The following ATP13A5 variants were observed in gnomAD, a reference collection of about 807,000 sequenced individuals.
The protein encoded by ATP13A5 is probable cation-transporting ATPase 13A5.
ATP13A5 carries 149 observed loss-of-function variants against 150.2 expected under a neutral mutation model. That is an observed-to-expected ratio of 0.99 (90% CI 0.87 to 1.14). ATP13A5 has a LOEUF of 1.14. Among genes scored for constraint, ATP13A5 ranks in the 50% most tolerant of loss-of-function variants. The pLI is 0.00. For missense variants in ATP13A5, 1,383 were observed against 1,449.3 expected, an observed-to-expected ratio of 0.95 and a Z score of 0.74; for synonymous variants, 497 against 522.2, an observed-to-expected ratio of 0.95 and a Z score of 0.66.
In ATP13A5 at chr3:193,362,945, C is replaced by T. The variant is rs1023859111; in HGVS notation, c.384+291G>A. ...GAGTAGCTGGGACTACAGGCAAGCA[C>T]CACCACACTCAGCTCATTTTTTGTT... is the stretch of plus-strand genomic sequence containing the variant. On this transcript the variant is annotated intron_variant, in intron 3 of 29. Coordinates refer to ENST00000342358, the MANE Select transcript of ATP13A5 (RefSeq NM_198505.4). Among the ~76,000 whole-genome samples, 16 of 152,224 alleles carry T rather than the reference C, an allele frequency of 1.1e-4. No homozygotes were observed. In the Middle Eastern group the frequency reaches 0.014, roughly 129 times the overall value.
At chr3:193,338,089 T>TGA in intron 9 of ATP13A5, among the ~76,000 whole-genome samples, 1 of 152,344 alleles carries the variant, frequency 6.6e-6, no homozygotes, top group East Asian at 1.9e-4. Context: ...TTTTGTATCC[T>TGA]GAGACTTTGC....
intron 11 of ATP13A5, among the ~76,000 whole-genome samples, chr3:193,332,131 G>A (rs1443387442): frequency 6.6e-6 from 1 of 152,144 alleles, no homozygotes; most frequent in Non-Finnish European, 1.5e-5. Flanking sequence ...TCGAATCATG[G>A]GGGCAGTTTC....
rs1447412091 is a variant in ATP13A5, at chr3:193,325,001, G to A, written c.1537C>T (p.His513Tyr). 6.2e-7 allele frequency: 1 copy of A among 1,609,876 alleles called. No homozygotes were observed. The highest frequency in any genetic ancestry group is 8.5e-7 in the Non-Finnish European group (1 of 1,178,506). The change falls in exon 14 of 30, where the codon CAC becomes TAC. Residue 513 changes from histidine (H) to tyrosine (Y), a missense_variant. Physicochemically the swap from His to Tyr is moderately conservative, Grantham distance 83. Coordinates refer to ENST00000342358, the MANE Select transcript of ATP13A5 (RefSeq NM_198505.4). ...ACAGCCTGGCCTGAGGCAAAGCTGT[G>A]GGCTTCCTGGAAGCTGGTAGAGAAG... ...PTADNCFQEA[H>Y]SFASGQAVPW...
chr3:193,292,420 G>T (rs1718000841), intron 25 of ATP13A5, among the ~76,000 whole-genome samples: 1 of 152,104 alleles, frequency 6.6e-6, no homozygotes, highest in African/African-American at 2.4e-5. Context: ...AGTAACTGTG[G>T]TAGACTGAAT....
chr3:193,319,136 G>A (rs1268769059), intron 16 of ATP13A5, 28 bp from the exon 17 acceptor site: 6 of 1,549,788 alleles, frequency 3.9e-6, no homozygotes, highest in South Asian at 3.4e-5. Context: ...ACAGGTAAGT[G>A]TAAGGTCATG....
intron 27 of ATP13A5, among the ~76,000 whole-genome samples, chr3:193,284,033 T>TTA (rs1432457345): frequency 2.1e-5 from 3 of 145,330 alleles, no homozygotes; most frequent in Admixed American, 7.0e-5. Flanking sequence ...ATTATTATTA[T>TTA]TTTTTGAGAC....
At chr3:193,309,535 C>T (rs999976366) in intron 21 of ATP13A5, among the ~76,000 whole-genome samples, 4 of 152,152 alleles carry the variant, frequency 2.6e-5, no homozygotes, top group Non-Finnish European at 5.9e-5. Context: ...CTCCCCTGGA[C>T]GTGGGCTGGA....
intron 9 of ATP13A5, 141 bp from the exon 10 acceptor site, chr3:193,335,240 G>A (rs929411983): frequency 2.4e-5 from 17 of 699,838 alleles, no homozygotes; most frequent in Non-Finnish European, 3.8e-5. Context: ...ACTGTTCATA[G>A]AGATGCTGGT....
intron 9 of ATP13A5, among the ~76,000 whole-genome samples, chr3:193,336,536 T>C (rs922227405): frequency 1.1e-4 from 17 of 152,336 alleles, no homozygotes; most frequent in African/African-American, 4.1e-4. Context: ...GGTTTCCAGC[T>C]TCATCCATGT....
intron 25 of ATP13A5, among the ~76,000 whole-genome samples, chr3:193,298,553 A>G (rs1278280832): frequency 6.6e-6 from 1 of 152,092 alleles, no homozygotes; most frequent in Non-Finnish European, 1.5e-5. Flanking sequence ...TGACAATGCC[A>G]TTCTTTTTCC....
intron 1 of ATP13A5, among the ~76,000 whole-genome samples, chr3:193,377,303 C>T (rs989340486): frequency 7.9e-5 from 12 of 152,104 alleles, no homozygotes; most frequent in Non-Finnish European, 1.0e-4. Context: ...TCAAGCTTAG[C>T]GTGCTACAAT....
At chr3:193,335,294 T>C (rs988416620) in intron 9 of ATP13A5, among the ~76,000 whole-genome samples, 195 bp from the exon 10 acceptor site, 2 of 152,184 alleles carry the variant, frequency 1.3e-5, no homozygotes, top group African/African-American at 4.8e-5. Flanking sequence ...AATATTTAGA[T>C]TAGATCTGCC....
chr3:193,347,524 C>CTTTTCTTT (rs72383894), intron 7 of ATP13A5, among the ~76,000 whole-genome samples: 12,510 of 145,376 alleles, frequency 0.086, 989 homozygotes, highest in African/African-American at 0.19. Context: ...CCTTAGATTT[C>CTTTTCTTT]TTTTTTTTTT....
At chr3:193,319,223 T>C (rs773674795) in intron 16 of ATP13A5, 115 bp from the exon 17 acceptor site, 11 of 728,750 alleles carry the variant, frequency 1.5e-5, no homozygotes, top group Non-Finnish European at 2.3e-5. Flanking sequence ...AAAAGCACTT[T>C]AATAGAAAAC....
At chr3:193,325,200 A>T (rs1411265680) in intron 13 of ATP13A5, among the ~76,000 whole-genome samples, 186 bp from the exon 14 acceptor site, 1 of 152,144 alleles carries the variant, frequency 6.6e-6, no homozygotes, top group African/African-American at 2.4e-5. Context: ...TCCACTTCGG[A>T]TCTACCTTAC....
intron 6 of ATP13A5, among the ~76,000 whole-genome samples, chr3:193,353,909 A>AACAAG (rs58429299): frequency 3.1e-5 from 1 of 32,488 alleles, no homozygotes; most frequent in African/African-American, 1.6e-4. Flanking sequence ...AACTAAAGAG[A>AACAAG]ACAAAACAAA....
chr3:193,307,083 G>A, intron 22 of ATP13A5: 1 of 983,616 alleles, frequency 1.0e-6, no homozygotes. Context: ...CCTGAAATAT[G>A]GGAGTCTAAG....
chr3:193,286,510 T>A (rs1001900395), intron 26 of ATP13A5, among the ~76,000 whole-genome samples: 1 of 152,172 alleles, frequency 6.6e-6, no homozygotes, highest in Non-Finnish European at 1.5e-5. Flanking sequence ...AATTACTACC[T>A]CTATTATTGT....
intron 18 of ATP13A5, 94 bp from the exon 19 acceptor site, chr3:193,314,287 T>C (rs2108854663): frequency 7.3e-7 from 1 of 1,370,738 alleles, no homozygotes; most frequent in South Asian, 1.4e-5. Context: ...TTGGTGTTCT[T>C]TGAGAGCATT....
Sources: gnomAD v4.1 joint callset for allele counts (sites outside exome capture counted in the v4.1 genomes callset) on GRCh38, gnomAD v4.1.1 for gene constraint, MANE v1.5 for transcripts, NCBI Gene and HGNC (gene_info 2026-07-23, HGNC 2026-07-21) for gene names.